Variants in EFHC2 observed in about 807,000 individuals in gnomAD.
EFHC2 encodes the protein EF-hand domain-containing family member C2.
EFHC2 carries 18 observed loss-of-function variants against 52.7 expected under a neutral mutation model. That is an observed-to-expected ratio of 0.34 (90% CI 0.24 to 0.51). The LOEUF (loss-of-function observed/expected upper bound fraction) is 0.51, where lower values mean the gene tolerates loss of function less well. Ranked by LOEUF, EFHC2 falls within the 20% of genes least tolerant of loss-of-function variation. EFHC2 has a pLI of 0.97. For missense variants in EFHC2, 513 were observed against 562.5 expected (o/e 0.91, Z 0.89); for synonymous variants, 203 against 204.1 (o/e 0.99, Z 0.04).
chrX:44,198,782 T>C (rs968033195), intron 11 of EFHC2, among the ~76,000 whole-genome samples: 1 of 110,563 alleles, frequency 9.0e-6, no homozygotes, highest in African/African-American at 3.3e-5. Context: ...CGACAAGACC[T>C]CCAGTCCAGG....
intron 2 of EFHC2, among the ~76,000 whole-genome samples, chrX:44,296,018 C>T (rs183272417): frequency 9.0e-6 from 1 of 111,476 alleles, no homozygotes; most frequent in African/African-American, 3.3e-5. Context: ...CTCTCTTTTT[C>T]GATTCTCACG....
chrX:44,251,597 T>TAAAAAAAAAAAAA (rs566022760), intron 4 of EFHC2, among the ~76,000 whole-genome samples: 1 of 12,555 alleles, frequency 8.0e-5, no homozygotes, highest in African/African-American at 2.3e-4. Flanking sequence ...CAATACTCTG[T>TAAAAAAAAAAAAA]AAAAAAAAAA....
chrX:44,338,817 G>A lies in EFHC2; in HGVS notation c.42+4730C>T, dbSNP rs138412557. On this transcript the variant is annotated intron_variant, in intron 1 of 14. Transcript: ENST00000420999. ...ATATGTTTTCTTTTTTCTTAAGGAG[G>A]ACTTTGCTTCACTACAAATTAGATG... Among the ~76,000 whole-genome samples the A allele has an allele frequency of 2.1e-4, 23 of 109,208 alleles. No individual in the cohort carries two copies. The East Asian group carries it at 5.4e-3, about 26-fold the overall frequency. 94.8% of individuals were successfully genotyped at this position (109,208 alleles called of 115,157 possible). A position where few individuals can be genotyped will look rare whatever the true frequency, so the allele number is the denominator to read the frequency against.
chrX:44,240,882 A>AGGATTTTAG (rs2037354447), intron 8 of EFHC2, among the ~76,000 whole-genome samples: 2 of 111,795 alleles, frequency 1.8e-5, no homozygotes, highest in Non-Finnish European at 3.8e-5. Flanking sequence ...TAGAACCCTA[A>AGGATTTTAG]AATCCTTAAA....
rs746849640 is a variant in EFHC2 at position 44,232,643 on chromosome X, G to A, written c.1458C>T (p.Arg486=). The A allele has an allele frequency of 1.3e-5, 16 of 1,198,048 alleles. No individual in the cohort carries two copies. The East Asian group carries it at 2.7e-4, about 20-fold the overall frequency. Reference sequence around the variant, plus strand: ...AGACTTCTTGTCCAGGCTTCTTAACGCGACTTCTTTTCAAGAACATCCCAC... The same window carrying A: ...AGACTTCTTGTCCAGGCTTCTTAACACGACTTCTTTTCAAGAACATCCCAC... ...IAGGMFLKRS[R]VKKPGQEVFK... is the part of the protein sequence containing the mutation. The change falls in exon 10 of 15, where the codon CGC becomes CGT. Residue 486 remains arginine, a synonymous_variant. Transcript: ENST00000420999.
At chrX:44,204,466 C>T (rs2037032023) in intron 11 of EFHC2, among the ~76,000 whole-genome samples, 1 of 110,974 alleles carries the variant, frequency 9.0e-6, no homozygotes, top group African/African-American at 3.3e-5. Flanking sequence ...TGAAATCCAG[C>T]ACAAATAAAA....
At chrX:44,288,145 A>G (rs2037766510) in intron 2 of EFHC2, among the ~76,000 whole-genome samples, 1 of 111,522 alleles carries the variant, frequency 9.0e-6, no homozygotes, top group Non-Finnish European at 1.9e-5. Flanking sequence ...AAATATTTAC[A>G]AAATCTGGAT....
intron 13 of EFHC2, among the ~76,000 whole-genome samples, chrX:44,166,795 A>AAT (rs2036699572): frequency 9.0e-6 from 1 of 111,386 alleles, no homozygotes; most frequent in South Asian, 3.8e-4. Context: ...CCTCATATAC[A>AAT]ATCCACTAAG....
intron 11 of EFHC2, among the ~76,000 whole-genome samples, chrX:44,215,786 A>G (rs2037142211): frequency 8.9e-6 from 1 of 112,139 alleles, no homozygotes; most frequent in South Asian, 3.7e-4. Context: ...CACCTGGCTG[A>G]ATTCAGGTGA....
At chrX:44,256,340 A>G (rs1320378699) in intron 4 of EFHC2, among the ~76,000 whole-genome samples, 1 of 111,653 alleles carries the variant, frequency 9.0e-6, no homozygotes, top group Non-Finnish European at 1.9e-5. Context: ...CAAAAAATCA[A>G]AGAATCCAGG....
chrX:44,307,326 A>G (rs913946597), intron 2 of EFHC2, among the ~76,000 whole-genome samples: 2 of 112,153 alleles, frequency 1.8e-5, no homozygotes, highest in African/African-American at 6.5e-5. Flanking sequence ...CTACTGGAAA[A>G]ACTGGCAACA....
intron 4 of EFHC2, among the ~76,000 whole-genome samples, chrX:44,251,315 C>A (rs1243141113): frequency 2.2e-5 from 2 of 89,103 alleles, no homozygotes; most frequent in Non-Finnish European, 4.3e-5. Flanking sequence ...AACATTAATA[C>A]ACTAAACTAT....
Position 44,317,828 on chromosome X carries a change from C to T in EFHC2, c.43-5072G>A, listed in dbSNP as rs538000463. On this transcript the variant is annotated intron_variant, in intron 1 of 14. Coordinates refer to ENST00000420999, the MANE Select transcript of EFHC2 (RefSeq NM_025184.4). ...TATATACATACATATACTGTGATAA[C>T]GCTTCACATTCACTAGGGTGGCTAT... is the stretch of plus-strand genomic sequence containing the variant. Among the ~76,000 whole-genome samples the T allele has an allele frequency of 6.2e-5, 7 of 112,895 alleles. No homozygotes were observed. In the South Asian group the frequency reaches 1.4e-3, roughly 23 times the overall value.
At chrX:44,182,918 A>T (rs1170437112) in intron 11 of EFHC2, among the ~76,000 whole-genome samples, 2 of 111,343 alleles carry the variant, frequency 1.8e-5, no homozygotes, top group African/African-American at 3.3e-5. Context: ...AAGTCATAAG[A>T]CTCAAAAAAA....
chrX:44,278,504 C>T lies in EFHC2; in HGVS notation c.232-5668G>A, dbSNP rs144165396. ...GGACATGCTACCTCGGCAAATATGC[C>T]GAGGCACATGGCACCTTGGCATTTG... On this transcript the variant is annotated intron_variant, in intron 2 of 14. Transcript: ENST00000420999. 1.1e-3 allele frequency among the ~76,000 whole-genome samples: 124 copies of T among 111,645 alleles called. 6 individuals are homozygous for T. In the East Asian group the frequency reaches 0.018, roughly 17 times the overall value.
chrX:44,242,786 T>C (rs1438555937), intron 7 of EFHC2, among the ~76,000 whole-genome samples: 1 of 110,689 alleles, frequency 9.0e-6, no homozygotes, highest in Non-Finnish European at 1.9e-5. Context: ...CACCCTGTAT[T>C]TGAGTACCCT....
intron 11 of EFHC2, among the ~76,000 whole-genome samples, chrX:44,191,113 T>C (rs1369538523): frequency 8.9e-6 from 1 of 112,242 alleles, no homozygotes; most frequent in East Asian, 2.8e-4. Context: ...AACTGCAAGG[T>C]GGGAAAAGAT....
At chrX:44,184,891 G>A (rs1055788209) in intron 11 of EFHC2, among the ~76,000 whole-genome samples, 4 of 111,040 alleles carry the variant, frequency 3.6e-5, no homozygotes, top group Non-Finnish European at 7.5e-5. Context: ...TGGAGTGTAA[G>A]ATCCACAGAG....
rs1435459543 is a variant in EFHC2, at chrX:44,250,386, G to C, written c.666C>G (p.Phe222Leu). ...ACAAAATCTTGCCATGATACTGGAG[G>C]AACTGTTTCAGGGTGTCGAGGGATT... ...PYESLDTLKQ[F>L]LQYHGKILCF... Residue 222 changes from phenylalanine to leucine, a missense_variant, in exon 5 of 15, where the codon TTC (phenylalanine) becomes TTG (leucine). Phe to Leu is a conservative substitution (Grantham distance 22, BLOSUM62 0). Coordinates refer to ENST00000420999, the MANE Select transcript of EFHC2 (RefSeq NM_025184.4). The C allele has an allele frequency of 8.3e-7, 1 of 1,211,091 alleles. No individual in the cohort carries two copies. Among genetic ancestry groups the C allele is most frequent in the South Asian group, 1.8e-5 (1 of 56,890 alleles).
Sources: gnomAD v4.1 joint callset for allele counts (sites outside exome capture counted in the v4.1 genomes callset) on GRCh38, gnomAD v4.1.1 for gene constraint, MANE v1.5 for transcripts, NCBI Gene and HGNC (gene_info 2026-07-23, HGNC 2026-07-21) for gene names.